SDS: variants seen among roughly 807,000 people sequenced by gnomAD.
SDS encodes the protein L-serine dehydratase/L-threonine deaminase.
SDS carries 19 observed loss-of-function variants against 29.3 expected under a neutral mutation model. The observed-to-expected ratio is 0.65, with a 90% CI of 0.45 to 0.95. The LOEUF is 0.95. Ranked by LOEUF, SDS falls within the 40% of genes least tolerant of loss-of-function variation. The pLI is 0.00. For synonymous variants in SDS, 176 were observed against 189.0 expected (o/e 0.93, Z 0.56); for missense variants, 375 against 439.9 (o/e 0.85, Z 1.32).
At chr12:113,402,709 C>T (rs763834566) in intron 1 of SDS, among the ~76,000 whole-genome samples, 8 of 152,176 alleles carry the variant, frequency 5.3e-5, no homozygotes, top group Admixed American at 1.3e-4. Flanking sequence ...GCGCCTCTCT[C>T]GCCGTTTGTC....
Position 113,398,916 on chromosome 12 carries a change from C to T in SDS, c.194-70G>A, listed in dbSNP as rs73194898. ...GGGAGCCCAGGCAGGACTGCGTACC[C>T]TCTACTGGGGGCTCTGGAGTTCCCC... On this transcript the variant is annotated intron_variant, in intron 3 of 7. Coordinates refer to ENST00000257549, the MANE Select transcript of SDS (RefSeq NM_006843.3). 0.17 allele frequency: 268,530 copies of T among 1,537,814 alleles called. 25,698 individuals carry two copies. The highest frequency in any genetic ancestry group is 0.23 in the Middle Eastern group (1,062 of 4,564).
At chr12:113,394,062 G>T in intron 6 of SDS, 46 bp from the exon 7 acceptor site, 6 of 1,596,968 alleles carry the variant, frequency 3.8e-6, no homozygotes, top group Non-Finnish European at 5.1e-6. Flanking sequence ...GGGGGAAACA[G>T]GAGAGAGATG....
intron 1 of SDS, among the ~76,000 whole-genome samples, chr12:113,400,804 T>G (rs974573547): frequency 6.6e-5 from 10 of 152,098 alleles, no homozygotes; most frequent in African/African-American, 2.4e-4. Context: ...ACCCACCTTT[T>G]GCACAGTTTG....
At position 113,393,036 on chromosome 12, in the gene SDS, G is replaced by C; in HGVS notation, c.892C>G (p.Leu298Val). Reference sequence around the variant, plus strand: ...CTGCCCCCGCAGACGATGACCACGAGGGATGGCAGCGGGGTTCGGAGATTC... The same window carrying C: ...CTGCCCCCGCAGACGATGACCACGACGGATGGCAGCGGGGTTCGGAGATTC... ...EGNLRTPLPS[L>V]VVIVCGGSNI... The change falls in exon 8 of 8, where the codon CTC becomes GTC. Residue 298 changes from leucine (L) to valine (V), a missense_variant. Transcript: ENST00000257549. 1 of 1,614,256 alleles carries C rather than the reference G, an allele frequency of 6.2e-7. No individual in the cohort carries two copies. Among genetic ancestry groups the C allele is most frequent in the Non-Finnish European group, 8.5e-7 (1 of 1,180,044 alleles).
chr12:113,393,867 G>A (rs1257796861), intron 7 of SDS, 25 bp downstream of exon 7: 2 of 1,614,120 alleles, frequency 1.2e-6, no homozygotes, highest in Non-Finnish European at 1.7e-6. Flanking sequence ...CAGCAGGTCA[G>A]GTCATGGGAG....
chr12:113,397,411 G>T lies in SDS; in HGVS notation c.426-19C>A. 1 of 1,586,514 alleles carries T rather than the reference G, an allele frequency of 6.3e-7. No homozygotes were observed. The highest frequency in any genetic ancestry group is 8.6e-7 in the Non-Finnish European group (1 of 1,161,090). On this transcript the variant is annotated intron_variant, in intron 5 of 7. Transcript: ENST00000257549. ...GCCTTCCCTGGAGGGTGGGGAGAGG[G>T]GGTGGCAGGTCAGGGCTAGGCTTCC... is the stretch of plus-strand genomic sequence containing the variant.
chr12:113,400,663 T>A (rs568220691), intron 1 of SDS, among the ~76,000 whole-genome samples: 20 of 152,152 alleles, frequency 1.3e-4, no homozygotes, highest in African/African-American at 2.4e-4. Flanking sequence ...TATATTTTTT[T>A]AATTTTTTTA....
chr12:113,399,758 T>C (rs1284382818), intron 1 of SDS, 48 bp from the exon 2 acceptor site: 2 of 1,440,074 alleles, frequency 1.4e-6, no homozygotes, highest in Non-Finnish European at 9.2e-7. Flanking sequence ...CTAGCCCCGG[T>C]GCCAGCACTG....
intron 1 of SDS, among the ~76,000 whole-genome samples, chr12:113,402,793 A>T (rs932687666): frequency 2.0e-5 from 3 of 152,176 alleles, no homozygotes; most frequent in Non-Finnish European, 4.4e-5. Context: ...TGAAGTGAGC[A>T]TCCATTAACT....
At chr12:113,394,264 T>A (rs1957631395) in intron 6 of SDS, among the ~76,000 whole-genome samples, 1 of 151,652 alleles carries the variant, frequency 6.6e-6, no homozygotes, top group Non-Finnish European at 1.5e-5. Flanking sequence ...TAGTATCATT[T>A]TTTTAATTTT....
Position 113,398,817 on chromosome 12 carries a change from C to T in SDS, c.223G>A (p.Ala75Thr). The T allele has an allele frequency of 6.2e-7, 1 of 1,608,484 alleles. No homozygotes were observed. The highest frequency in any genetic ancestry group is 8.5e-7 in the Non-Finnish European group (1 of 1,178,000). ...GCGGGGACGCCGAGTTGCCTGGCCG[C>T]ATATGCAGCCGCCATGCCTGCGTTG... The part of the protein sequence containing the change: ...AGNAGMAAAY[A>T]ARQLGVPATI... The change falls in exon 4 of 8, where the codon GCG becomes ACG. Residue 75 changes from alanine (A) to threonine (T), a missense_variant. Coordinates refer to ENST00000257549, the MANE Select transcript of SDS (RefSeq NM_006843.3).
chr12:113,399,016 A>C (rs1040791534), intron 3 of SDS, 96 bp downstream of exon 3: 2 of 1,572,932 alleles, frequency 1.3e-6, no homozygotes, highest in East Asian at 4.5e-5. Context: ...CATTGTTTTC[A>C]GTGGCACATT....
intron 1 of SDS, among the ~76,000 whole-genome samples, chr12:113,403,110 G>C (rs572015058): frequency 6.6e-6 from 1 of 152,212 alleles, no homozygotes; most frequent in Admixed American, 6.5e-5. Context: ...CACAAACTCA[G>C]TGTTTAGGCC....
rs368596857 is a variant in SDS, at chr12:113,399,640, G to A, written c.69C>T (p.Ala23=). ...IRDSMALSKM[A]GTSVYLKMDS... ...CCATCTTGAGGTAGACGCTGGTGCC[G>A]GCCATTTTGGACAGGGCCATGCTGT... is the stretch of plus-strand genomic sequence containing the variant. The change falls in exon 2 of 8, where the codon GCC becomes GCT. Residue 23 remains alanine, a synonymous_variant. Coordinates refer to ENST00000257549, the MANE Select transcript of SDS (RefSeq NM_006843.3). The A allele has an allele frequency of 6.3e-5, 101 of 1,599,878 alleles. No individual in the cohort carries two copies. Among genetic ancestry groups the A allele is most frequent in the Non-Finnish European group, 7.7e-5 (90 of 1,175,028 alleles).
intron 6 of SDS, among the ~76,000 whole-genome samples, chr12:113,396,330 C>T (rs893416648): frequency 1.8e-4 from 28 of 151,626 alleles, no homozygotes; most frequent in African/African-American, 6.5e-4. Context: ...TCCTTCCTCC[C>T]TCCCTCCCTT....
chr12:113,402,970 T>G (rs1255834193), intron 1 of SDS, among the ~76,000 whole-genome samples: 9 of 152,144 alleles, frequency 5.9e-5, no homozygotes, highest in Admixed American at 5.9e-4. Context: ...TCAGTCGATA[T>G]GAACTATTAT....
At chr12:113,399,486 A>G in intron 2 of SDS, 70 bp downstream of exon 2, 1 of 1,442,322 alleles carries the variant, frequency 6.9e-7, no homozygotes, top group Non-Finnish European at 9.1e-7. Context: ...TTCACACAGC[A>G]CTGGCCCTGC....
At chr12:113,393,393 G>C (rs752520012) in intron 7 of SDS, among the ~76,000 whole-genome samples, 1 of 152,278 alleles carries the variant, frequency 6.6e-6, no homozygotes, top group African/African-American at 2.4e-5. Flanking sequence ...TGAGCACTGT[G>C]TTGAGAAGGA....
intron 1 of SDS, among the ~76,000 whole-genome samples, chr12:113,400,435 T>C (rs1957678026): frequency 6.6e-6 from 1 of 151,678 alleles, no homozygotes; most frequent in Non-Finnish European, 1.5e-5. Context: ...ATCGAGCCAC[T>C]GCACTCCAGC....
Sources: gnomAD v4.1 joint callset for allele counts (sites outside exome capture counted in the v4.1 genomes callset) on GRCh38, gnomAD v4.1.1 for gene constraint, MANE v1.5 for transcripts, NCBI Gene and HGNC (gene_info 2026-07-23, HGNC 2026-07-21) for gene names.